PDCD10: variants seen among roughly 807,000 people sequenced by gnomAD.
PDCD10 encodes programmed cell death protein 10.
PDCD10 carries 4 observed loss-of-function variants against 29.2 expected under a neutral mutation model. The observed-to-expected ratio is 0.14, with a 90% CI of 0.07 to 0.31. The LOEUF (loss-of-function observed/expected upper bound fraction) is 0.31, where lower values mean the gene tolerates loss of function less well. Among genes scored for constraint, PDCD10 ranks in the 10% least tolerant of loss-of-function variants. The probability of loss-of-function intolerance (pLI) is 1.00; values close to 1 mark genes in which losing one functional copy is unlikely to be tolerated. For missense variants in PDCD10, 183 were observed against 257.9 expected, an observed-to-expected ratio of 0.71 and a Z score of 1.99; for synonymous variants, 70 against 82.2, an observed-to-expected ratio of 0.85 and a Z score of 0.80.
intron 4 of PDCD10, among the ~76,000 whole-genome samples, chr3:167,698,423 C>A (rs1721028692): frequency 6.6e-6 from 1 of 152,072 alleles, no homozygotes; most frequent in South Asian, 2.1e-4. Context: ...GTGGTCCCAG[C>A]TACTTGGTAG....
chr3:167,692,976 C>G (rs1720420994), intron 6 of PDCD10, among the ~76,000 whole-genome samples: 1 of 152,204 alleles, frequency 6.6e-6, no homozygotes, highest in Non-Finnish European at 1.5e-5. Flanking sequence ...TCCCTTGTGA[C>G]ACAGATTTTG....
At chr3:167,710,585 C>A (rs538644308) in intron 3 of PDCD10, among the ~76,000 whole-genome samples, 1 of 152,322 alleles carries the variant, frequency 6.6e-6, no homozygotes, top group African/African-American at 2.4e-5. Flanking sequence ...TAATTCTTGG[C>A]CCCCAGAGCA....
intron 3 of PDCD10, among the ~76,000 whole-genome samples, chr3:167,708,734 G>C (rs377040389): frequency 1.3e-5 from 2 of 152,148 alleles, no homozygotes; most frequent in African/African-American, 4.8e-5. Context: ...TCAGTTCTGT[G>C]GGCTGCCAAG....
At chr3:167,729,105 C>T (rs1724523330) in intron 2 of PDCD10, among the ~76,000 whole-genome samples, 2 of 152,154 alleles carry the variant, frequency 1.3e-5, no homozygotes, top group South Asian at 2.1e-4. Flanking sequence ...GACTGAGAGC[C>T]ACAGTGAGCT....
At chr3:167,719,689 C>T (rs1168088158) in intron 3 of PDCD10, among the ~76,000 whole-genome samples, 3 of 152,064 alleles carry the variant, frequency 2.0e-5, no homozygotes, top group African/African-American at 7.2e-5. Flanking sequence ...TTTTAGATCT[C>T]TTTCAGGTCT....
intron 2 of PDCD10, among the ~76,000 whole-genome samples, chr3:167,722,176 G>A (rs78417166): frequency 6.6e-6 from 1 of 152,048 alleles, no homozygotes; most frequent in Admixed American, 6.6e-5. Context: ...TATCATCAAT[G>A]AAAAATCAAG....
chr3:167,687,150 G>A, intron 8 of PDCD10, 84 bp downstream of exon 8: 2 of 723,790 alleles, frequency 2.8e-6, no homozygotes, highest in South Asian at 3.3e-5. Flanking sequence ...AAAATAAAAG[G>A]GCTTAATTTA....
chr3:167,727,112 C>G (rs1433995405), intron 2 of PDCD10, among the ~76,000 whole-genome samples: 1 of 152,120 alleles, frequency 6.6e-6, no homozygotes, highest in Non-Finnish European at 1.5e-5. Context: ...GGCCCAGAAG[C>G]AGGCTGGGTA....
At chr3:167,726,731 C>T (rs1217544368) in intron 2 of PDCD10, among the ~76,000 whole-genome samples, 3 of 152,214 alleles carry the variant, frequency 2.0e-5, no homozygotes, top group Non-Finnish European at 4.4e-5. Flanking sequence ...GACATGGAAT[C>T]GATTGCAACT....
At chr3:167,721,304 CA>C (rs1723537371) in intron 2 of PDCD10, among the ~76,000 whole-genome samples, 1 of 151,968 alleles carries the variant, frequency 6.6e-6, no homozygotes, top group African/African-American at 2.4e-5. Flanking sequence ...ATAACTTGCC[CA>C]AGATCACACA....
chr3:167,714,972 T>C (rs778279342), intron 3 of PDCD10, among the ~76,000 whole-genome samples: 1 of 151,374 alleles, frequency 6.6e-6, no homozygotes, highest in East Asian at 1.9e-4. Context: ...AGACCCAGAA[T>C]AGCCAAAAAG....
In PDCD10 at chr3:167,696,987, A is replaced by G. The variant is rs758527470; in HGVS notation, c.268+22T>C. 3.4e-6 allele frequency: 4 copies of G among 1,171,624 alleles called. No individual in the cohort carries two copies. In the Admixed American group the frequency reaches 6.7e-5, roughly 20 times the overall value. 72.6% of individuals were successfully genotyped at this position (1,171,624 alleles called of 1,614,324 possible). A position where few individuals can be genotyped will look rare whatever the true frequency, so the allele number is the denominator to read the frequency against. ...GCTATTTAACAATTGTATAACTTAA[A>G]CAAGGTTCTTCTGTCCGTTACCTTC... is the stretch of plus-strand genomic sequence containing the variant. On this transcript the variant is annotated intron_variant, in intron 5 of 8. Coordinates refer to ENST00000392750, the MANE Select transcript of PDCD10 (RefSeq NM_007217.4).
At position 167,720,051 on chromosome 3, in the gene PDCD10, ACC is replaced by A. The variant is rs751602105; in HGVS notation, c.96+9_96+10del. ...GCAGAGTTCATGCAAGAACATGTTTACCCAACTCACCTCATTAAACACAGGAT... is the reference window on the plus strand; with the variant it reads ...GCAGAGTTCATGCAAGAACATGTTTACAACTCACCTCATTAAACACAGGAT... On this transcript the variant is annotated intron_variant, in intron 3 of 8. Coordinates refer to ENST00000392750, the MANE Select transcript of PDCD10 (RefSeq NM_007217.4). 6.6e-7 allele frequency: 1 copy of A among 1,504,690 alleles called. No homozygotes were observed. Among genetic ancestry groups the A allele is most frequent in the South Asian group, 1.1e-5 (1 of 88,856 alleles). 93.2% of individuals were successfully genotyped at this position (1,504,690 alleles called of 1,614,324 possible). A position where few individuals can be genotyped will look rare whatever the true frequency, so the allele number is the denominator to read the frequency against.
At chr3:167,692,069 T>G (rs1210765749) in intron 6 of PDCD10, among the ~76,000 whole-genome samples, 1 of 152,216 alleles carries the variant, frequency 6.6e-6, no homozygotes, top group Admixed American at 6.5e-5. Context: ...AAATGTCAAA[T>G]CTTCATAGAA....
At chr3:167,699,540 A>C (rs1721160246) in intron 4 of PDCD10, among the ~76,000 whole-genome samples, 1 of 152,220 alleles carries the variant, frequency 6.6e-6, no homozygotes, top group Non-Finnish European at 1.5e-5. Flanking sequence ...TGACAAAATG[A>C]ATAAATATGG....
intron 4 of PDCD10, among the ~76,000 whole-genome samples, chr3:167,702,696 C>A (rs117079834): frequency 6.6e-6 from 1 of 152,080 alleles, no homozygotes; most frequent in South Asian, 2.1e-4. Flanking sequence ...ATTGTCGTTG[C>A]GGACCAATAA....
intron 2 of PDCD10, among the ~76,000 whole-genome samples, chr3:167,726,115 T>C (rs1409242293): frequency 3.7e-5 from 2 of 54,536 alleles, no homozygotes; most frequent in East Asian, 4.6e-4. Flanking sequence ...TAGAGTACTG[T>C]TTTTTTTTTT....
rs1265639031 is a variant in PDCD10, at chr3:167,683,716, T to C, written c.*592A>G. 1 of 151,748 alleles carries C rather than the reference T, an allele frequency of 6.6e-6. No homozygotes were observed. Among genetic ancestry groups the C allele is most frequent in the Non-Finnish European group, 1.5e-5 (1 of 67,850 alleles). 9.4% of individuals were successfully genotyped at this position (151,748 alleles called of 1,614,324 possible). ...AATTAACAAAAATATTTCCATTGAC[T>C]ACTCTGTGTCCAAAGTGATTAAGGA... On this transcript the variant is annotated 3_prime_UTR_variant, in exon 9 of 9. Transcript: ENST00000392750.
chr3:167,697,465 T>G (rs1031294548), intron 4 of PDCD10, among the ~76,000 whole-genome samples: 1 of 152,136 alleles, frequency 6.6e-6, no homozygotes, highest in Non-Finnish European at 1.5e-5. Flanking sequence ...TCTCATTACT[T>G]TAAATATCTT....
Sources: allele counts gnomAD v4.1 joint callset (sites outside exome capture counted in the v4.1 genomes callset), GRCh38; gene constraint gnomAD v4.1.1; transcripts MANE v1.5; gene names NCBI Gene and HGNC (gene_info 2026-07-23, HGNC 2026-07-21).